TEX36: variants seen among roughly 807,000 people sequenced by gnomAD.
TEX36 encodes the protein testis expressed 36.
TEX36 carries 12 observed loss-of-function variants against 13.6 expected under a neutral mutation model. The ratio of observed to expected loss-of-function variants is 0.88; its 90% CI spans 0.56 to 1.43. The LOEUF (loss-of-function observed/expected upper bound fraction) is 1.43. TEX36 is among the 40% of genes most tolerant of loss of function. The pLI is 0.00. For missense variants in TEX36, 224 were observed against 228.3 expected, an observed-to-expected ratio of 0.98 and a Z score of 0.12; for synonymous variants, 93 against 83.0, an observed-to-expected ratio of 1.12 and a Z score of -0.65.
intron 3 of TEX36, among the ~76,000 whole-genome samples, chr10:125,590,992 A>G (rs1846015267): frequency 6.6e-6 from 1 of 152,166 alleles, no homozygotes; most frequent in Non-Finnish European, 1.5e-5. Context: ...ATGTGGCCCA[A>G]AGGTGAATCG....
intron 3 of TEX36, among the ~76,000 whole-genome samples, chr10:125,608,596 C>T (rs773443571): frequency 5.5e-4 from 84 of 152,190 alleles, no homozygotes; most frequent in Admixed American, 1.4e-3. Context: ...GTCTGGGCTA[C>T]GGGCTGGTGT....
intron 3 of TEX36, among the ~76,000 whole-genome samples, chr10:125,635,497 C>T (rs545734302): frequency 1.8e-4 from 27 of 152,310 alleles, no homozygotes; most frequent in African/African-American, 6.5e-4. Context: ...GACAACTGTC[C>T]ATGGCAAAGG....
At chr10:125,648,438 G>A (rs576722550) in intron 3 of TEX36, among the ~76,000 whole-genome samples, 196 of 152,288 alleles carry the variant, frequency 1.3e-3, no homozygotes, top group Non-Finnish European at 2.2e-3. Flanking sequence ...TGCAGCTGAG[G>A]GTCCTGACTG....
intron 1 of TEX36, among the ~76,000 whole-genome samples, chr10:125,662,299 T>G (rs1015416986): frequency 1.3e-5 from 2 of 152,102 alleles, no homozygotes; most frequent in Non-Finnish European, 2.9e-5. Context: ...AGAAATGTGT[T>G]ATTTGAGATC....
intron 1 of TEX36, among the ~76,000 whole-genome samples, chr10:125,663,596 T>C (rs1157148642): frequency 6.6e-6 from 1 of 152,224 alleles, no homozygotes; most frequent in Non-Finnish European, 1.5e-5. Context: ...CTATTCTGAC[T>C]GGGATAAGAT....
intron 3 of TEX36, among the ~76,000 whole-genome samples, chr10:125,631,226 C>T (rs1846549973): frequency 6.6e-6 from 1 of 152,180 alleles, no homozygotes; most frequent in African/African-American, 2.4e-5. Flanking sequence ...ACATTGACTG[C>T]TGCCTATAAT....
At position 125,648,391 on chromosome 10, in the gene TEX36, G is replaced by A. The variant is rs557856037; in HGVS notation, c.264+12630C>T. Reference sequence around the variant, plus strand: ...TCCGCTGGTGATACCCAGGCAAACAGCATCCGGAGTGAACCTCCAGCAAAC... The same window carrying A: ...TCCGCTGGTGATACCCAGGCAAACAACATCCGGAGTGAACCTCCAGCAAAC... On this transcript the variant is annotated intron_variant, in intron 3 of 3. Transcript: ENST00000526819. Among the ~76,000 whole-genome samples the A allele has an allele frequency of 7.9e-5, 12 of 152,318 alleles. No homozygotes were observed. In the South Asian group the frequency reaches 2.1e-3, roughly 26 times the overall value.
chr10:125,592,928 T>A (rs919529443), intron 3 of TEX36, among the ~76,000 whole-genome samples: 1 of 152,192 alleles, frequency 6.6e-6, no homozygotes, highest in Non-Finnish European at 1.5e-5. Flanking sequence ...AGAGCTTCCA[T>A]GTCCTCTCAG....
At chr10:125,661,398 A>G (rs767945373) in intron 2 of TEX36, among the ~76,000 whole-genome samples, 30 of 152,204 alleles carry the variant, frequency 2.0e-4, no homozygotes, top group Non-Finnish European at 4.0e-4. Context: ...TGGAGCCAAA[A>G]ACTGGGAAGG....
intron 1 of TEX36, among the ~76,000 whole-genome samples, chr10:125,670,846 CT>C (rs1250414263): frequency 3.3e-5 from 5 of 151,970 alleles, no homozygotes; most frequent in Non-Finnish European, 7.4e-5. Context: ...ATAGGGAATC[CT>C]TTTCCCATTG....
intron 3 of TEX36, among the ~76,000 whole-genome samples, chr10:125,631,610 C>G (rs1424780033): frequency 6.6e-6 from 1 of 152,084 alleles, no homozygotes; most frequent in Non-Finnish European, 1.5e-5. Context: ...GTGTGAGGAT[C>G]CAGAGAAGAT....
Position 125,592,294 on chromosome 10 carries a change from G to A in TEX36, c.265-15420C>T, listed in dbSNP as rs187774148. On this transcript the variant is annotated intron_variant, in intron 3 of 3. Coordinates refer to the TEX36 transcript ENST00000532135. Reference sequence around the variant, plus strand: ...ACCATCCCCATGAAGCCAGACGTGCGTTAGGCCACCAGGGCCACCAGCCAC... The same window carrying A: ...ACCATCCCCATGAAGCCAGACGTGCATTAGGCCACCAGGGCCACCAGCCAC... Among the ~76,000 whole-genome samples, 375 of 152,200 alleles carry A rather than the reference G, an allele frequency of 2.5e-3. 1 individual carries two copies. Among genetic ancestry groups the A allele is most frequent in the African/African-American group, 8.6e-3 (356 of 41,550 alleles).
chr10:125,595,659 A>G (rs1846073541), intron 3 of TEX36, among the ~76,000 whole-genome samples: 1 of 152,090 alleles, frequency 6.6e-6, no homozygotes, highest in African/African-American at 2.4e-5. Context: ...CTCCTGCCTC[A>G]GGGCCTTTGC....
intron 3 of TEX36, among the ~76,000 whole-genome samples, chr10:125,581,800 C>T (rs1845886472): frequency 2.0e-5 from 3 of 152,170 alleles, no homozygotes; most frequent in African/African-American, 7.2e-5. Context: ...GTCTCTCAAC[C>T]TTATCTGAGC....
chr10:125,665,842 T>A (rs1253862031), intron 1 of TEX36, among the ~76,000 whole-genome samples: 1 of 152,214 alleles, frequency 6.6e-6, no homozygotes, highest in Non-Finnish European at 1.5e-5. Flanking sequence ...GCATGAGATA[T>A]TTTTCCATTT....
intron 3 of TEX36, among the ~76,000 whole-genome samples, chr10:125,587,786 TAAAAAAA>T (rs56198506): frequency 9.8e-6 from 1 of 101,898 alleles, no homozygotes; most frequent in Non-Finnish European, 2.0e-5. Flanking sequence ...GTCTCAAAAT[TAAAAAAA>T]AAAAAAAAAA....
chr10:125,619,187 T>C (rs538019495), downstream of TEX36, among the ~76,000 whole-genome samples: 5 of 152,078 alleles, frequency 3.3e-5, no homozygotes, highest in South Asian at 1.0e-3. Flanking sequence ...ATATCCGTTA[T>C]TGGTTGAGTT....
intron 3 of TEX36, among the ~76,000 whole-genome samples, chr10:125,621,801 G>A (rs1358949893): frequency 2.0e-5 from 3 of 152,148 alleles, no homozygotes; most frequent in Non-Finnish European, 4.4e-5. Context: ...GAAGAATCTG[G>A]AGTATGATGT....
At chr10:125,643,709 G>T (rs1212628340) in intron 3 of TEX36, among the ~76,000 whole-genome samples, 7 of 151,400 alleles carry the variant, frequency 4.6e-5, no homozygotes, top group Admixed American at 4.6e-4. Flanking sequence ...ACCACTAGTG[G>T]CACTCCAGCC....
Sources: allele counts gnomAD v4.1 joint callset (sites outside exome capture counted in the v4.1 genomes callset), GRCh38; gene constraint gnomAD v4.1.1; transcripts MANE v1.5; gene names NCBI Gene and HGNC (gene_info 2026-07-23, HGNC 2026-07-21).